The following TOPAZ1 variants were observed in gnomAD, a reference collection of about 807,000 sequenced individuals.
The protein encoded by TOPAZ1 is protein TOPAZ1.
In TOPAZ1, 66 loss-of-function variants were observed where a neutral mutation model predicts 172.2. The observed-to-expected ratio is 0.38, with a 90% CI of 0.31 to 0.47. TOPAZ1 has a LOEUF of 0.47. TOPAZ1 is among the 20% of genes least tolerant of loss of function. TOPAZ1 has a pLI of 0.99. For missense variants in TOPAZ1, 1,822 were observed against 1,972.4 expected (o/e 0.92, Z 1.44); for synonymous variants, 681 against 683.9 (o/e 1.00, Z 0.07).
Position 44,243,987 on chromosome 3 carries a change from G to T in TOPAZ1, c.1481G>T (p.Trp494Leu), listed in dbSNP as rs1416748819. ...RTIPMTGKRT[W>L]PYYSCARISA... ...ATACCTATGACTGGTAAAAGAACTT[G>T]GCCCTATTATTCATGTGCTAGAATA... The change falls in exon 2 of 20, where the codon TGG becomes TTG. Residue 494 changes from tryptophan to leucine, a missense_variant. Physicochemically the swap from Trp to Leu is moderately conservative, Grantham distance 61. Coordinates refer to ENST00000309765, the MANE Select transcript of TOPAZ1 (RefSeq NM_001145030.2). The T allele has an allele frequency of 6.4e-6, 10 of 1,552,242 alleles. No homozygotes were observed. Among genetic ancestry groups the T allele is most frequent in the Non-Finnish European group, 8.7e-6 (10 of 1,147,074 alleles).
intron 18 of TOPAZ1, among the ~76,000 whole-genome samples, chr3:44,327,377 TGTTCTAGAA>T (rs149651265): frequency 0.13 from 20,302 of 152,174 alleles, 1,740 homozygotes; most frequent in African/African-American, 0.23. Flanking sequence ...ATAGTTTGGA[TGTTCTAGAA>T]GTTTTATAGG....
intron 12 of TOPAZ1, among the ~76,000 whole-genome samples, chr3:44,302,741 A>C (rs1478383394): frequency 6.6e-6 from 1 of 151,896 alleles, no homozygotes; most frequent in Non-Finnish European, 1.5e-5. Flanking sequence ...GTGTTTTATA[A>C]TTTTCTTTGT....
intron 8 of TOPAZ1, among the ~76,000 whole-genome samples, chr3:44,271,840 GA>G (rs773470241): frequency 8.1e-4 from 123 of 150,976 alleles, no homozygotes; most frequent in Admixed American, 2.3e-3. Context: ...AGATATCAAA[GA>G]AAAAAAAACT....
At chr3:44,286,965 G>A (rs1190245466) in intron 9 of TOPAZ1, among the ~76,000 whole-genome samples, 4 of 152,176 alleles carry the variant, frequency 2.6e-5, no homozygotes, top group East Asian at 1.9e-4. Context: ...TAAAAATAAT[G>A]TCAACATGTT....
At chr3:44,300,467 T>C (rs1700259495) in intron 12 of TOPAZ1, among the ~76,000 whole-genome samples, 1 of 152,018 alleles carries the variant, frequency 6.6e-6, no homozygotes, top group African/African-American at 2.4e-5. Flanking sequence ...GACATAAACA[T>C]GTTTCACCAA....
intron 13 of TOPAZ1, 111 bp from the exon 14 acceptor site, chr3:44,305,032 TATTA>T (rs768234616): frequency 1.7e-5 from 12 of 701,462 alleles, no homozygotes; most frequent in Non-Finnish European, 2.5e-5. Flanking sequence ...GATTTTGTCT[TATTA>T]ATTTATGTAT....
At chr3:44,246,959 T>C (rs765265435) in intron 2 of TOPAZ1, among the ~76,000 whole-genome samples, 8 of 152,300 alleles carry the variant, frequency 5.3e-5, no homozygotes, top group Non-Finnish European at 1.0e-4. Flanking sequence ...AGTGACAAGA[T>C]GTTGACAGTG....
intron 11 of TOPAZ1, among the ~76,000 whole-genome samples, 175 bp from the exon 12 acceptor site, chr3:44,290,596 A>T (rs1700126271): frequency 6.6e-6 from 1 of 152,178 alleles, no homozygotes; most frequent in African/African-American, 2.4e-5. Context: ...TTTTGCTTTA[A>T]ATTCTTAGGA....
chr3:44,255,577 G>A (rs538568335), intron 3 of TOPAZ1, among the ~76,000 whole-genome samples: 166 of 151,154 alleles, frequency 1.1e-3, no homozygotes, highest in Non-Finnish European at 2.1e-3. Context: ...GTGTGAACCC[G>A]GGAGGCGGAG....
chr3:44,260,469 C>A (rs944069743), intron 4 of TOPAZ1, among the ~76,000 whole-genome samples: 1 of 151,938 alleles, frequency 6.6e-6, no homozygotes. Flanking sequence ...TTTAGAGAAA[C>A]CCTTCCCCAT....
intron 8 of TOPAZ1, among the ~76,000 whole-genome samples, chr3:44,274,641 G>T (rs375071495): frequency 6.7e-6 from 1 of 149,382 alleles, no homozygotes; most frequent in Admixed American, 6.7e-5. Flanking sequence ...TGTAACCTCC[G>T]CCTCCCGGGT....
intron 12 of TOPAZ1, among the ~76,000 whole-genome samples, chr3:44,299,226 TATATTTTGA>T (rs1700240856): frequency 6.6e-6 from 1 of 151,980 alleles, no homozygotes; most frequent in South Asian, 2.1e-4. Context: ...CAGCTGAGAA[TATATTTTGA>T]AAGTCTCAAA....
chr3:44,270,704 G>A lies in TOPAZ1; in HGVS notation c.3266G>A (p.Gly1089Glu), dbSNP rs1699885862. The change falls in exon 8 of 20, where the codon GGG (glycine) becomes GAG (glutamate). Residue 1089 changes from glycine to glutamate, a missense_variant. Coordinates refer to ENST00000309765, the MANE Select transcript of TOPAZ1 (RefSeq NM_001145030.2). The part of the protein sequence containing the change: ...KNVGVFQKSL[G>E]LMIPYKYCKF... ...TTCTAGGTGTTCCAGAAGTCCCTAG[G>A]GTTGATGATACCCTATAAATATTGC... The A allele has an allele frequency of 6.5e-7, 1 of 1,548,974 alleles. No individual in the cohort carries two copies. The highest frequency in any genetic ancestry group is 2.5e-5 in the East Asian group (1 of 40,802).
At chr3:44,323,639 AAAG>A (rs1282694325) in intron 18 of TOPAZ1, among the ~76,000 whole-genome samples, 3 of 152,244 alleles carry the variant, frequency 2.0e-5, no homozygotes, top group Non-Finnish European at 4.4e-5. Context: ...AATGAAGTTT[AAAG>A]AAGATCTGTT....
intron 12 of TOPAZ1, among the ~76,000 whole-genome samples, chr3:44,293,653 A>G (rs529907022): frequency 1.3e-4 from 20 of 152,356 alleles, no homozygotes; most frequent in African/African-American, 4.3e-4. Flanking sequence ...TGTTGTTACA[A>G]AAGAGTCAAA....
chr3:44,332,072 C>G lies in TOPAZ1; in HGVS notation c.*61C>G. The G allele has an allele frequency of 8.4e-7, 1 of 1,191,870 alleles. No homozygotes were observed. The highest frequency in any genetic ancestry group is 1.5e-5 in the South Asian group (1 of 67,230). 73.8% of individuals were successfully genotyped at this position (1,191,870 alleles called of 1,614,324 possible). A position where few individuals can be genotyped will look rare whatever the true frequency, so the allele number is the denominator to read the frequency against. ...AGTAATCATTGTTGAAAATAAAAGGCAATAAAAATAGACAGTTTTCACTAT... is the reference window on the plus strand; with the variant it reads ...AGTAATCATTGTTGAAAATAAAAGGGAATAAAAATAGACAGTTTTCACTAT... On this transcript the variant is annotated 3_prime_UTR_variant, in exon 20 of 20. Transcript: ENST00000309765.
At chr3:44,313,268 C>G (rs769890464) in intron 16 of TOPAZ1, among the ~76,000 whole-genome samples, 6 of 152,058 alleles carry the variant, frequency 3.9e-5, no homozygotes, top group Non-Finnish European at 5.9e-5. Flanking sequence ...TGGCAAATAT[C>G]AACAAATTTT....
At chr3:44,276,184 T>G (rs951906433) in intron 8 of TOPAZ1, among the ~76,000 whole-genome samples, 1 of 152,230 alleles carries the variant, frequency 6.6e-6, no homozygotes, top group East Asian at 1.9e-4. Context: ...CAGAAGCTTT[T>G]TGGTTTAATA....
At position 44,303,998 on chromosome 3, in the gene TOPAZ1, C is replaced by G; in HGVS notation, c.3798-17C>G. On this transcript the variant is annotated splice_polypyrimidine_tract_variant and intron_variant, in intron 12 of 19. Transcript: ENST00000309765. ...AGGGGTGAATATAGTATAATTAACT[C>G]TTTTCTTTTGTTAAAGGTTACAGAT... The G allele has an allele frequency of 6.7e-7, 1 of 1,484,056 alleles. No individual in the cohort carries two copies. Among genetic ancestry groups the G allele is most frequent in the Non-Finnish European group, 9.2e-7 (1 of 1,090,436 alleles). The allele number at this position is 1,484,056 out of a possible 1,614,324, so 91.9% of individuals were successfully genotyped here.
Sources: gnomAD v4.1 joint callset for allele counts (sites outside exome capture counted in the v4.1 genomes callset) on GRCh38, gnomAD v4.1.1 for gene constraint, MANE v1.5 for transcripts, NCBI Gene and HGNC (gene_info 2026-07-23, HGNC 2026-07-21) for gene names.